PCDHGA2: variants seen among roughly 807,000 people sequenced by gnomAD.
PCDHGA2 encodes protocadherin gamma-A2.
PCDHGA2 carries 40 observed loss-of-function variants against 59.2 expected under a neutral mutation model. The ratio of observed to expected loss-of-function variants is 0.68; its 90% CI spans 0.52 to 0.88. The LOEUF is 0.88. PCDHGA2 is among the 40% of genes least tolerant of loss of function. PCDHGA2 has a pLI of 0.00. For synonymous variants in PCDHGA2, 560 were observed against 526.0 expected (o/e 1.06, Z -0.89); for missense variants, 1,226 against 1,204.0 (o/e 1.02, Z -0.27).
intron 1 of PCDHGA2, chr5:141,395,540 GTT>G (rs1195680754): frequency 2.1e-5 from 4 of 186,176 alleles, no homozygotes; most frequent in South Asian, 7.0e-5. Flanking sequence ...TTTTGCTATT[GTT>G]TGTGTGTGTG....
chr5:141,492,691 C>G (rs2099743102), intron 1 of PCDHGA2, among the ~76,000 whole-genome samples: 1 of 152,274 alleles, frequency 6.6e-6, no homozygotes, highest in South Asian at 2.1e-4. Flanking sequence ...TCGGCGACCC[C>G]TCAACCCAGA....
chr5:141,366,085 C>T, intron 1 of PCDHGA2: 1 of 1,614,268 alleles, frequency 6.2e-7, no homozygotes, highest in Non-Finnish European at 8.5e-7. Flanking sequence ...CAGAACCTGG[C>T]TACCTGGTGA....
intron 1 of PCDHGA2, chr5:141,421,377 C>T (rs1168242339): frequency 1.9e-6 from 3 of 1,613,924 alleles, no homozygotes; most frequent in South Asian, 1.1e-5. Context: ...GCAATATCTC[C>T]AAGGACCTGG....
chr5:141,490,960 T>C lies in PCDHGA2; in HGVS notation c.2425-3847T>C. 1.9e-6 allele frequency: 3 copies of C among 1,613,794 alleles called. No homozygotes were observed. The highest frequency in any genetic ancestry group is 2.2e-5 in the South Asian group (2 of 91,030). On this transcript the variant is annotated intron_variant, in intron 1 of 3. Transcript: ENST00000394576. The surrounding 1 kb of genome is among the most constrained non-coding windows in gnomAD (Gnocchi z 5.4). ...GCACCCACGGCCAGACTGGGAACACTCAGCCCCCCAGCGTCTCCCTCGCTC... is the reference window on the plus strand; with the variant it reads ...GCACCCACGGCCAGACTGGGAACACCCAGCCCCCCAGCGTCTCCCTCGCTC...
intron 1 of PCDHGA2, chr5:141,417,635 G>C (rs1195744332): frequency 1.4e-6 from 1 of 724,902 alleles, no homozygotes; most frequent in Non-Finnish European, 2.1e-6. Flanking sequence ...CTGACGCCGG[G>C]GATCCCTCAG....
In PCDHGA2 at chr5:141,345,253, C is replaced by A. The variant is rs1259196746; in HGVS notation, c.2424+3858C>A. ...GATCAATATTACCGCTTAGTGACGG[C>A]CACATCCCTGGACCGCGAACAAATA... On this transcript the variant is annotated intron_variant, in intron 1 of 3. Transcript: ENST00000394576. 1.2e-6 allele frequency: 2 copies of A among 1,613,946 alleles called. No homozygotes were observed. The highest frequency in any genetic ancestry group is 1.7e-5 in the Admixed American group (1 of 60,028).
intron 1 of PCDHGA2, chr5:141,349,964 T>TA (rs1409228521): frequency 3.8e-6 from 1 of 264,224 alleles, no homozygotes; most frequent in Non-Finnish European, 7.0e-6. Context: ...AAAGACAGGG[T>TA]ACATAGATTC....
intron 1 of PCDHGA2, chr5:141,372,738 T>C: frequency 6.2e-7 from 1 of 1,613,740 alleles, no homozygotes; most frequent in Non-Finnish European, 8.5e-7. Flanking sequence ...AGATCTTCTA[T>C]GTGATGAAGC....
chr5:141,488,815 T>A (rs769851687), intron 1 of PCDHGA2, among the ~76,000 whole-genome samples: 30 of 152,144 alleles, frequency 2.0e-4, no homozygotes, highest in Non-Finnish European at 4.1e-4. Context: ...ATCTGAGCTG[T>A]CAAACTTTGC....
At chr5:141,410,142 G>C in intron 1 of PCDHGA2, 1 of 1,612,730 alleles carries the variant, frequency 6.2e-7, no homozygotes, top group African/African-American at 1.3e-5. Context: ...GTCGCTGTGC[G>C]TGACGGTGGA....
chr5:141,376,835 C>T (rs537669685), intron 1 of PCDHGA2: 5 of 249,278 alleles, frequency 2.0e-5, no homozygotes, highest in Non-Finnish European at 3.8e-5. Flanking sequence ...TACAGGCGCC[C>T]GCCACCGCGC....
chr5:141,339,274 C>T lies in PCDHGA2; in HGVS notation c.303C>T (p.Pro101=). 1.2e-6 allele frequency: 2 copies of T among 1,614,254 alleles called. No homozygotes were observed. The highest frequency in any genetic ancestry group is 1.7e-6 in the Non-Finnish European group (2 of 1,180,038). ...AGGAGCTCTGCGCTCAGAGCGCACC[C>T]TGTCTGTTGAATTTTAACATTCTGC... ...DREELCAQSA[P]CLLNFNILLE... is the part of the protein sequence containing the mutation. The change falls in exon 1 of 4, where the codon CCC becomes CCT. Residue 101 remains proline (P), a synonymous_variant. Transcript: ENST00000394576.
chr5:141,481,183 G>A (rs2099533234), intron 1 of PCDHGA2, among the ~76,000 whole-genome samples: 1 of 152,146 alleles, frequency 6.6e-6, no homozygotes, highest in African/African-American at 2.4e-5. Flanking sequence ...GCTTTATTGG[G>A]CCAGGCCCAA....
intron 1 of PCDHGA2, chr5:141,418,385 G>A (rs759618059): frequency 8.7e-6 from 14 of 1,613,930 alleles, no homozygotes; most frequent in Admixed American, 1.7e-5. Flanking sequence ...AAGTCCTAAC[G>A]AGTATTTCTC....
At chr5:141,385,423 A>G in intron 1 of PCDHGA2, 4 of 1,462,490 alleles carry the variant, frequency 2.7e-6, no homozygotes, top group Non-Finnish European at 3.6e-6. Context: ...GATTTAAAAA[A>G]CTTTATAGAG....
At chr5:141,424,628 A>C (rs962512805) in intron 1 of PCDHGA2, 3 of 152,348 alleles carry the variant, frequency 2.0e-5, no homozygotes, top group African/African-American at 7.2e-5. Flanking sequence ...GTTTGTGAAT[A>C]TATAAATAGA....
rs558504351 is a variant in PCDHGA2, at chr5:141,374,628, T to A, written c.2424+33233T>A. The A allele has an allele frequency of 2.5e-6, 4 of 1,613,272 alleles. No individual in the cohort carries two copies. The South Asian group carries it at 3.3e-5, about 13-fold the overall frequency. On this transcript the variant is annotated intron_variant, in intron 1 of 3. Coordinates refer to ENST00000394576, the MANE Select transcript of PCDHGA2 (RefSeq NM_018915.4). ...GGTAATAGTCACTTCTCAGTGGACG[T>A]GCAAAGCGAAGCCCATGGGCCCAAG...
intron 1 of PCDHGA2, chr5:141,422,844 G>A: frequency 6.2e-7 from 1 of 1,614,238 alleles, no homozygotes; most frequent in Non-Finnish European, 8.5e-7. Context: ...GTGACAGCGG[G>A]GACCCGCCCC....
In PCDHGA2 at chr5:141,431,544, T is replaced by C. The variant is rs1409551731; in HGVS notation, c.2425-63263T>C. 1.2e-6 allele frequency: 2 copies of C among 1,614,152 alleles called. No individual in the cohort carries two copies. The highest frequency in any genetic ancestry group is 2.2e-5 in the South Asian group (2 of 91,092). ...AATCTGGCCTTGGGCACGCAGCTGC[T>C]TGTAGTCAACGCTACCGACCCTGAC... On this transcript the variant is annotated intron_variant, in intron 1 of 3. Coordinates refer to ENST00000394576, the MANE Select transcript of PCDHGA2 (RefSeq NM_018915.4). The surrounding 1 kb of genome is among the most constrained non-coding windows in gnomAD (Gnocchi z 4.8).
Sources: allele counts gnomAD v4.1 joint callset (sites outside exome capture counted in the v4.1 genomes callset), GRCh38; gene constraint gnomAD v4.1.1; non-coding constraint Gnocchi (gnomAD v3.1); transcripts MANE v1.5; gene names NCBI Gene and HGNC (gene_info 2026-07-23, HGNC 2026-07-21).